Variants in TRIM2 observed in about 807,000 individuals in gnomAD.
TRIM2 encodes the protein tripartite motif-containing protein 2.
A neutral mutation model predicts 75.2 loss-of-function variants in TRIM2; 20 were observed. That is an observed-to-expected ratio of 0.27 (90% CI 0.19 to 0.39). The LOEUF (loss-of-function observed/expected upper bound fraction) is 0.39. TRIM2 is among the 10% of genes least tolerant of loss of function. The pLI is 1.00. For synonymous variants in TRIM2, 373 were observed against 388.3 expected, an observed-to-expected ratio of 0.96 and a Z score of 0.46; for missense variants, 660 against 990.8, an observed-to-expected ratio of 0.67 and a Z score of 4.48.
chr4:153,300,854 A>G (rs1423279316), intron 6 of TRIM2, among the ~76,000 whole-genome samples: 2 of 150,640 alleles, frequency 1.3e-5, no homozygotes, highest in African/African-American at 2.4e-5. Flanking sequence ...ATGTCTATTC[A>G]GGTTCTTTGC....
chr4:153,195,675 T>C (rs1356628094), intron 1 of TRIM2, among the ~76,000 whole-genome samples: 1 of 152,240 alleles, frequency 6.6e-6, no homozygotes, highest in Non-Finnish European at 1.5e-5. Flanking sequence ...CTAGGTACTT[T>C]TGTTGCTACT....
intron 1 of TRIM2, chr4:153,257,373 T>G: frequency 8.9e-7 from 1 of 1,121,876 alleles, no homozygotes; most frequent in Non-Finnish European, 1.1e-6. Flanking sequence ...CCTGGTTTGC[T>G]GCAGTCTTTT....
intron 6 of TRIM2, among the ~76,000 whole-genome samples, chr4:153,298,451 T>C (rs1025511190): frequency 1.3e-5 from 2 of 152,202 alleles, no homozygotes; most frequent in African/African-American, 4.8e-5. Flanking sequence ...GTCATCTCTT[T>C]GTGGCTCAGC....
Position 153,207,066 on chromosome 4 carries a change from T to C in TRIM2, c.30+2506T>C, listed in dbSNP as rs1328971793. On this transcript the variant is annotated intron_variant, in intron 1 of 11. Coordinates refer to ENST00000338700, the MANE Select transcript of TRIM2 (RefSeq NM_015271.5). ...CCCCATGCCCAGCCAATTGCAAGGA[T>C]TTTAAGAACTATGTGCCAGGAAGCA... Among the ~76,000 whole-genome samples, 3 of 152,054 alleles carry C rather than the reference T, an allele frequency of 2.0e-5. No individual in the cohort carries two copies. In the East Asian group the frequency reaches 5.8e-4, roughly 29 times the overall value.
At chr4:153,165,312 C>A (rs1730188565) in intron 1 of TRIM2, among the ~76,000 whole-genome samples, 1 of 152,054 alleles carries the variant, frequency 6.6e-6, no homozygotes, top group South Asian at 2.1e-4. Flanking sequence ...AATTTTTGAG[C>A]CCCTTGCTTT....
chr4:153,180,602 C>T (rs1416536853), intron 1 of TRIM2, among the ~76,000 whole-genome samples: 3 of 152,230 alleles, frequency 2.0e-5, no homozygotes. Context: ...CTCAGCCTCC[C>T]AAGTAGCTGG....
intron 2 of TRIM2, among the ~76,000 whole-genome samples, chr4:153,275,030 T>A (rs539312805): frequency 6.6e-6 from 1 of 152,238 alleles, no homozygotes; most frequent in Non-Finnish European, 1.5e-5. Context: ...GAAAAAATTG[T>A]ATAGTCTAAT....
At chr4:153,289,580 C>T (rs540639003) in intron 3 of TRIM2, among the ~76,000 whole-genome samples, 1 of 152,254 alleles carries the variant, frequency 6.6e-6, no homozygotes, top group South Asian at 2.1e-4. Context: ...TATTTTGCAT[C>T]CTTTTCTGTC....
intron 1 of TRIM2, among the ~76,000 whole-genome samples, chr4:153,254,328 ACTGT>A (rs982837490): frequency 6.6e-6 from 1 of 152,164 alleles, no homozygotes; most frequent in African/African-American, 2.4e-5. Flanking sequence ...ATGCATAGGC[ACTGT>A]CTGTATACTT....
chr4:153,165,429 C>T (rs1579263006), intron 1 of TRIM2, among the ~76,000 whole-genome samples: 1 of 152,032 alleles, frequency 6.6e-6, no homozygotes, highest in Non-Finnish European at 1.5e-5. Flanking sequence ...CTCCTGGGCT[C>T]AAGTGATCCT....
intron 8 of TRIM2, among the ~76,000 whole-genome samples, chr4:153,321,141 T>A (rs1406101789): frequency 1.3e-5 from 2 of 152,204 alleles, no homozygotes; most frequent in African/African-American, 4.8e-5. Context: ...CCTAATTGAA[T>A]TCTCCCAAGT....
intron 11 of TRIM2, among the ~76,000 whole-genome samples, chr4:153,329,147 C>A (rs560544476): frequency 6.6e-5 from 10 of 151,986 alleles, no homozygotes; most frequent in Non-Finnish European, 1.3e-4. Context: ...TTATTAGACC[C>A]ATTACTATTT....
intron 1 of TRIM2, among the ~76,000 whole-genome samples, chr4:153,243,532 T>G (rs1236307742): frequency 6.6e-6 from 1 of 152,214 alleles, no homozygotes; most frequent in Non-Finnish European, 1.5e-5. Flanking sequence ...AGACTTGCTT[T>G]CTTTCTTCAG....
In TRIM2 at chr4:153,221,777, AAGAAGAAAAGGAAGGAAAG is replaced by A. The variant is rs1262083566; in HGVS notation, c.30+17220_30+17238del. Among the ~76,000 whole-genome samples, 15 of 123,418 alleles carry A rather than the reference AAGAAGAAAAGGAAGGAAAG, an allele frequency of 1.2e-4. 1 individual carries two copies. Among genetic ancestry groups the A allele is most frequent in the Admixed American group, 4.8e-4 (6 of 12,400 alleles). 81.0% of individuals were successfully genotyped at this position (123,418 alleles called of 152,430 possible). A position where few individuals can be genotyped will look rare whatever the true frequency, so the allele number is the denominator to read the frequency against. ...GAGGGAGGAAATAAGGAAGGAAGGA[AAGAAGAAAAGGAAGGAAAG>A]AGCGAGGAAGGAAGGGAGGGAGGGA... is the stretch of plus-strand genomic sequence containing the variant. On this transcript the variant is annotated intron_variant, in intron 1 of 11. Coordinates refer to ENST00000338700, the MANE Select transcript of TRIM2 (RefSeq NM_015271.5).
intron 1 of TRIM2, among the ~76,000 whole-genome samples, chr4:153,213,789 G>T (rs1020797587): frequency 3.9e-5 from 6 of 152,138 alleles, no homozygotes; most frequent in Admixed American, 1.3e-4. Context: ...GCCTCCCAAA[G>T]TGCTGGGATT....
intron 1 of TRIM2, among the ~76,000 whole-genome samples, chr4:153,259,340 A>G (rs1017368213): frequency 6.6e-5 from 10 of 152,160 alleles, no homozygotes; most frequent in Non-Finnish European, 1.2e-4. Flanking sequence ...AATGTTCTTT[A>G]TCTGGGTATC....
chr4:153,153,439 G>T lies in TRIM2; in HGVS notation c.-49+169G>T, dbSNP rs377662181. 1.2e-4 allele frequency among the ~76,000 whole-genome samples: 18 copies of T among 152,222 alleles called. No homozygotes were observed. The East Asian group carries it at 3.3e-3, about 28-fold the overall frequency. ...CACGCCTCGTCTGGAGGTGGTGCGCGCTGGCGAGGAGGCGACAGCCCGGAA... is the reference window on the plus strand; with the variant it reads ...CACGCCTCGTCTGGAGGTGGTGCGCTCTGGCGAGGAGGCGACAGCCCGGAA... On this transcript the variant is annotated intron_variant, in intron 1 of 11. Transcript: ENST00000437508.
chr4:153,257,032 C>G (rs922770675), intron 1 of TRIM2, among the ~76,000 whole-genome samples: 84 of 152,338 alleles, frequency 5.5e-4, no homozygotes, highest in African/African-American at 1.7e-3. Flanking sequence ...CTCACACTCA[C>G]GCAAAGCTCT....
chr4:153,336,852 T>C lies in TRIM2; in HGVS notation c.*1886T>C. ...TTAATATTTTTTTAGTTAGGTAGAG[T>C]TTTAAAAAATACTTGAGCCTGTCCG... is the stretch of plus-strand genomic sequence containing the variant. On this transcript the variant is annotated 3_prime_UTR_variant, in exon 12 of 12. Coordinates refer to ENST00000338700, the MANE Select transcript of TRIM2 (RefSeq NM_015271.5). The C allele has an allele frequency of 1.0e-6, 1 of 985,140 alleles. No individual in the cohort carries two copies. Among genetic ancestry groups the C allele is most frequent in the African/African-American group, 1.7e-5 (1 of 57,248 alleles). 61.0% of individuals were successfully genotyped at this position (985,140 alleles called of 1,614,324 possible).
Sources: allele counts gnomAD v4.1 joint callset (sites outside exome capture counted in the v4.1 genomes callset), GRCh38; gene constraint gnomAD v4.1.1; transcripts MANE v1.5; gene names NCBI Gene and HGNC (gene_info 2026-07-23, HGNC 2026-07-21).